Variants in FAM168B observed in about 807,000 individuals in gnomAD.
The protein encoded by FAM168B is family with sequence similarity 168 member B, also known as myelin-associated neurite-outgrowth inhibitor.
FAM168B carries 19 observed loss-of-function variants against 21.8 expected under a neutral mutation model. That is an observed-to-expected ratio of 0.87 (90% CI 0.61 to 1.28). FAM168B has a LOEUF of 1.28. FAM168B is among the 50% of genes most tolerant of loss of function. FAM168B has a pLI of 0.00. For synonymous variants in FAM168B, 126 were observed against 104.8 expected (o/e 1.20, Z -1.24); for missense variants, 233 against 263.1 (o/e 0.89, Z 0.79).
Position 131,083,928 on chromosome 2 carries a change from G to A in FAM168B, c.-11-1271C>T, listed in dbSNP as rs186967316. 6.7e-4 allele frequency among the ~76,000 whole-genome samples: 102 copies of A among 151,246 alleles called. 1 individual carries two copies. In the Middle Eastern group the frequency reaches 0.017, roughly 25 times the overall value. ...TATTTATTTATTTATTTTCCCAGAC[G>A]GAGTCTCGCTCTGTCGCTAGGCTGG... On this transcript the variant is annotated intron_variant, in intron 1 of 6. Transcript: ENST00000389915.
chr2:131,051,705 C>A lies in FAM168B; in HGVS notation c.*760G>T. ...AACTGCTTTGCTGACACATAAACCA[C>A]CCCCCTCGCCCCAAATTTCACTGGC... On this transcript the variant is annotated 3_prime_UTR_variant, in exon 7 of 7. Transcript: ENST00000389915. The A allele has an allele frequency of 4.1e-6, 4 of 985,206 alleles. No individual in the cohort carries two copies. The highest frequency in any genetic ancestry group is 4.8e-6 in the Non-Finnish European group (4 of 829,912). The allele number at this position is 985,206 out of a possible 1,614,324, so 61.0% of individuals were successfully genotyped here.
rs557361242 is a variant in FAM168B, at chr2:131,081,005, C to G, written c.70+1572G>C. On this transcript the variant is annotated intron_variant, in intron 2 of 6. Coordinates refer to ENST00000389915, the MANE Select transcript of FAM168B (RefSeq NM_001009993.4). ...TTTCTTACAGTTTCTCTACTCAGCC[C>G]TTCTGGAGAAGAGCTCCAGATGTTT... 6.6e-5 allele frequency among the ~76,000 whole-genome samples: 10 copies of G among 152,272 alleles called. No homozygotes were observed. The East Asian group carries it at 1.9e-3, about 30-fold the overall frequency.
chr2:131,071,957 C>T lies in FAM168B; in HGVS notation c.71-19G>A. The T allele has an allele frequency of 1.2e-6, 2 of 1,608,926 alleles. No individual in the cohort carries two copies. Among genetic ancestry groups the T allele is most frequent in the South Asian group, 2.2e-5 (2 of 90,904 alleles). ...AAACCAGCTGAAGAAAAATAAAGAACAATCTCATGTCATCAACTGAAGTAG... is the reference window on the plus strand; with the variant it reads ...AAACCAGCTGAAGAAAAATAAAGAATAATCTCATGTCATCAACTGAAGTAG... On this transcript the variant is annotated intron_variant, in intron 2 of 6. Coordinates refer to ENST00000389915, the MANE Select transcript of FAM168B (RefSeq NM_001009993.4).
At chr2:131,066,319 G>C (rs1692556431) in intron 3 of FAM168B, among the ~76,000 whole-genome samples, 1 of 151,976 alleles carries the variant, frequency 6.6e-6, no homozygotes. Flanking sequence ...GGGACTACAG[G>C]CGCCCACCAC....
At chr2:131,062,852 T>C (rs917426233) in intron 3 of FAM168B, among the ~76,000 whole-genome samples, 1 of 152,234 alleles carries the variant, frequency 6.6e-6, no homozygotes, top group Non-Finnish European at 1.5e-5. Context: ...ATGCAATGCA[T>C]GGGATGCTAA....
At chr2:131,060,544 C>T (rs1455589064) in intron 3 of FAM168B, among the ~76,000 whole-genome samples, 1 of 152,186 alleles carries the variant, frequency 6.6e-6, no homozygotes, top group Non-Finnish European at 1.5e-5. Flanking sequence ...GTACATTATT[C>T]TGATTCCAAA....
intron 2 of FAM168B, among the ~76,000 whole-genome samples, chr2:131,078,986 C>CAA (rs755973080): frequency 1.7e-4 from 16 of 93,926 alleles, no homozygotes; most frequent in East Asian, 3.0e-4. Context: ...GACCCTTTCA[C>CAA]AAAAAAAAAA....
rs369139859 is a variant in FAM168B, at chr2:131,060,053, T to C, written c.155-4358A>G. Among the ~76,000 whole-genome samples the C allele has an allele frequency of 1.2e-3, 183 of 152,034 alleles. 1 individual carries two copies. Among genetic ancestry groups the C allele is most frequent in the African/African-American group, 4.1e-3 (168 of 41,476 alleles). ...TTTTTTTTTTTGGATGGAGTCTCGC[T>C]GTCTCGCTCTGTCACCCAGGCTGGA... On this transcript the variant is annotated intron_variant, in intron 3 of 6. Coordinates refer to ENST00000389915, the MANE Select transcript of FAM168B (RefSeq NM_001009993.4).
At chr2:131,065,935 C>T (rs982382298) in intron 3 of FAM168B, among the ~76,000 whole-genome samples, 32 of 152,026 alleles carry the variant, frequency 2.1e-4, no homozygotes, top group African/African-American at 7.2e-4. Flanking sequence ...ACCATCACTT[C>T]GTAATTAAAT....
At chr2:131,054,886 G>A (rs1339826488) in intron 5 of FAM168B, among the ~76,000 whole-genome samples, 3 of 152,144 alleles carry the variant, frequency 2.0e-5, no homozygotes, top group Non-Finnish European at 4.4e-5. Flanking sequence ...AAAACATCCC[G>A]ATGAAGACAA....
At position 131,090,151 on chromosome 2, in the gene FAM168B, CAAAAAA is replaced by C. The variant is rs59428455; in HGVS notation, c.-12+3057_-12+3062del. The stretch of plus-strand genomic sequence containing the variant: ...TGAAACCCCGTCTCTACCAAAAATA[CAAAAAA>C]AAAAAAAAAAAAAATTATCCAGGCA... On this transcript the variant is annotated intron_variant, in intron 1 of 6. Coordinates refer to ENST00000389915, the MANE Select transcript of FAM168B (RefSeq NM_001009993.4). 5.9e-3 allele frequency among the ~76,000 whole-genome samples: 704 copies of C among 119,128 alleles called. 2 individuals are homozygous for C. Among genetic ancestry groups the C allele is most frequent in the Middle Eastern group, 0.032 (7 of 218 alleles). 78.2% of individuals were successfully genotyped at this position (119,128 alleles called of 152,430 possible). A position where few individuals can be genotyped will look rare whatever the true frequency, so the allele number is the denominator to read the frequency against.
chr2:131,064,276 TATA>T (rs899228463), intron 3 of FAM168B, among the ~76,000 whole-genome samples: 11 of 152,324 alleles, frequency 7.2e-5, no homozygotes, highest in South Asian at 2.1e-4. Context: ...CGGATTTTTT[TATA>T]ATAATTTTTT....
At chr2:131,059,694 C>T (rs185029015) in intron 3 of FAM168B, among the ~76,000 whole-genome samples, 1 of 152,104 alleles carries the variant, frequency 6.6e-6, no homozygotes, top group East Asian at 1.9e-4. Context: ...ACAGTTTAAA[C>T]AAACAAACCC....
In FAM168B at chr2:131,066,657, G is replaced by A. The variant is rs951519040; in HGVS notation, c.154+5198C>T. On this transcript the variant is annotated intron_variant, in intron 3 of 6. Transcript: ENST00000389915. ...GAGGCCTCAATGTGCTGGCCCAGCTGACATCTATGCCTGATCGTAGGCTTG... is the reference window on the plus strand; with the variant it reads ...GAGGCCTCAATGTGCTGGCCCAGCTAACATCTATGCCTGATCGTAGGCTTG... 9.2e-5 allele frequency among the ~76,000 whole-genome samples: 14 copies of A among 152,194 alleles called. 1 individual carries two copies. Among genetic ancestry groups the A allele is most frequent in the Admixed American group, 8.5e-4 (13 of 15,274 alleles).
In FAM168B at chr2:131,093,326, G is replaced by C. The variant is rs1694136437; in HGVS notation, c.-124C>G. Reference sequence around the variant, plus strand: ...CCGAGGAGACCTGCTACGATAAGAGGCTGACCCTCCGAGCCCCGCGTCTCC... The same window carrying C: ...CCGAGGAGACCTGCTACGATAAGAGCCTGACCCTCCGAGCCCCGCGTCTCC... On this transcript the variant is annotated 5_prime_UTR_variant, in exon 1 of 7. Transcript: ENST00000389915. 6.6e-6 allele frequency: 1 copy of C among 150,420 alleles called. No individual in the cohort carries two copies. The highest frequency in any genetic ancestry group is 2.4e-5 in the African/African-American group (1 of 41,278). The allele number at this position is 150,420 out of a possible 1,614,324, so 9.3% of individuals were successfully genotyped here.
chr2:131,063,400 A>G (rs971115024), intron 3 of FAM168B, among the ~76,000 whole-genome samples: 2 of 152,228 alleles, frequency 1.3e-5, no homozygotes, highest in African/African-American at 2.4e-5. Context: ...TCTTTGGTTT[A>G]GGCATGAATA....
intron 1 of FAM168B, among the ~76,000 whole-genome samples, chr2:131,090,336 A>G (rs555208492): frequency 2.9e-3 from 431 of 151,196 alleles, no homozygotes; most frequent in African/African-American, 7.3e-3. Context: ...AAAAAAAAAA[A>G]AAAGAAAGAA....
At position 131,080,473 on chromosome 2, in the gene FAM168B, C is replaced by G. The variant is rs375481507; in HGVS notation, c.70+2104G>C. ...GCTCACACAGTGAACAAAAAATTAG[C>G]TGGGCATGGTGGCATGCATCTGTAA... is the stretch of plus-strand genomic sequence containing the variant. On this transcript the variant is annotated intron_variant, in intron 2 of 6. Transcript: ENST00000389915. Among the ~76,000 whole-genome samples the G allele has an allele frequency of 2.4e-4, 37 of 151,358 alleles. No individual in the cohort carries two copies. In the East Asian group the frequency reaches 6.6e-3, roughly 27 times the overall value.
At chr2:131,085,706 ACTGT>A (rs138520438) in intron 1 of FAM168B, among the ~76,000 whole-genome samples, 2,205 of 152,302 alleles carry the variant, frequency 0.014, 54 homozygotes, top group African/African-American at 0.05. Flanking sequence ...CATTACCTGA[ACTGT>A]CTAATTTTTT....
Sources: allele counts gnomAD v4.1 joint callset (sites outside exome capture counted in the v4.1 genomes callset), GRCh38; gene constraint gnomAD v4.1.1; transcripts MANE v1.5; gene names NCBI Gene and HGNC (gene_info 2026-07-23, HGNC 2026-07-21).